Variants in STAMBP observed in about 807,000 individuals in gnomAD.
The protein encoded by STAMBP is STAM binding protein.
STAMBP carries 31 observed loss-of-function variants against 50.7 expected under a neutral mutation model. The ratio of observed to expected loss-of-function variants is 0.61; its 90% CI spans 0.46 to 0.83. The LOEUF is 0.83. Ranked by LOEUF, STAMBP falls within the 40% of genes least tolerant of loss-of-function variation. The pLI is 0.00. For synonymous variants in STAMBP, 211 were observed against 192.4 expected (o/e 1.10, Z -0.80); for missense variants, 472 against 518.9 (o/e 0.91, Z 0.88).
intron 5 of STAMBP, among the ~76,000 whole-genome samples, chr2:73,848,899 A>T (rs1676457528): frequency 2.6e-5 from 4 of 151,798 alleles, no homozygotes; most frequent in Admixed American, 2.0e-4. Flanking sequence ...TTTTACTTTT[A>T]TTTTTTAAGT....
intron 9 of STAMBP, among the ~76,000 whole-genome samples, chr2:73,861,154 T>C (rs2104699307): frequency 6.6e-6 from 1 of 152,354 alleles, no homozygotes; most frequent in Admixed American, 6.5e-5. Context: ...AGGCCCCTGT[T>C]GCATGCCAAA....
Position 73,831,000 on chromosome 2 carries a change from C to T in STAMBP, c.144C>T (p.Ser48=), listed in dbSNP as rs1219099827. The T allele has an allele frequency of 6.2e-7, 1 of 1,614,198 alleles. No individual in the cohort carries two copies. Among genetic ancestry groups the T allele is most frequent in the East Asian group, 2.2e-5 (1 of 44,890 alleles). ...RSGVEIIRMA[S]IYSEEGNIEH... ...GAGTTGAGATTATCCGAATGGCATCCATTTACTCTGAGGAAGGCAACATTG... is the reference window on the plus strand; with the variant it reads ...GAGTTGAGATTATCCGAATGGCATCTATTTACTCTGAGGAAGGCAACATTG... Residue 48 remains serine, a synonymous_variant, in exon 2 of 10, where the codon TCC becomes TCT. Coordinates refer to ENST00000394070, the MANE Select transcript of STAMBP (RefSeq NM_213622.4).
In STAMBP at chr2:73,861,471, C is replaced by A. The variant is rs116318247; in HGVS notation, c.1219-732C>A. Among the ~76,000 whole-genome samples, 780 of 152,116 alleles carry A rather than the reference C, an allele frequency of 5.1e-3. 6 individuals carry two copies. Among genetic ancestry groups the A allele is most frequent in the African/African-American group, 0.018 (740 of 41,494 alleles). On this transcript the variant is annotated intron_variant, in intron 9 of 9. Coordinates refer to ENST00000394070, the MANE Select transcript of STAMBP (RefSeq NM_213622.4). ...GCAGTCTGGCTTCCAGACTGAGAAC[C>A]ACTAGCCTAGAATGAACATTTTAAA...
rs762078854 is a variant in STAMBP, at chr2:73,862,208, C to T, written c.1224C>T (p.Cys408=). The change falls in exon 10 of 10, where the codon TGC becomes TGT. Residue 408 remains cysteine, a synonymous_variant. Coordinates refer to ENST00000394070, the MANE Select transcript of STAMBP (RefSeq NM_213622.4). ...HSKDPPLFCS[C]SHVTVVDRAV... ...TTTCTTTTTTCCTATTGCAGAGCTG[C>T]AGCCACGTGACTGTTGTGGACAGAG... 1.1e-5 allele frequency: 18 copies of T among 1,604,702 alleles called. No individual in the cohort carries two copies. In the Admixed American group the frequency reaches 2.3e-4, roughly 20 times the overall value.
Position 73,860,127 on chromosome 2 carries a change from C to T in STAMBP, c.1194C>T (p.His398=), listed in dbSNP as rs186347948. ...GTCGCCAGAAAGGATTTCATCCACA[C>T]AGCAAGGATCCACCTCTGTTCTGTG... ...SSCRQKGFHP[H]SKDPPLFCSC... is the part of the protein sequence containing the mutation. Residue 398 remains histidine (H), a synonymous_variant, in exon 9 of 10, where the codon CAC becomes CAT. Coordinates refer to ENST00000394070, the MANE Select transcript of STAMBP (RefSeq NM_213622.4). 2.5e-6 allele frequency: 4 copies of T among 1,613,862 alleles called. No homozygotes were observed. The South Asian group carries it at 3.3e-5, about 13-fold the overall frequency.
At chr2:73,840,773 AAAAT>A (rs1675295635) in intron 2 of STAMBP, among the ~76,000 whole-genome samples, 1 of 152,054 alleles carries the variant, frequency 6.6e-6, no homozygotes, top group Non-Finnish European at 1.5e-5. Flanking sequence ...AATCAAAAAA[AAAAT>A]AAATAGTACA....
At chr2:73,868,339 G>A (rs1380049098), downstream of STAMBP, among the ~76,000 whole-genome samples, 5 of 152,034 alleles carry the variant, frequency 3.3e-5, no homozygotes, top group Non-Finnish European at 7.3e-5. Context: ...TGTAGGACTT[G>A]CCCATGATTC....
chr2:73,834,184 C>T (rs1674295511), intron 2 of STAMBP, among the ~76,000 whole-genome samples: 1 of 122,296 alleles, frequency 8.2e-6, no homozygotes, highest in Non-Finnish European at 1.6e-5. Flanking sequence ...GCACTCCAGC[C>T]TGGGGACAGA....
rs368924651 is a variant in STAMBP at position 73,834,631 on chromosome 2, C to T, written c.203+3572C>T. 2.4e-4 allele frequency among the ~76,000 whole-genome samples: 36 copies of T among 151,932 alleles called. No homozygotes were observed. In the East Asian group the frequency reaches 5.6e-3, roughly 24 times the overall value. ...TAAATGGACCCACACCATTGAAACC[C>T]ATGTTGTCCAAAAGTCAGCTGTAGT... On this transcript the variant is annotated intron_variant, in intron 2 of 9. Coordinates refer to ENST00000394070, the MANE Select transcript of STAMBP (RefSeq NM_213622.4).
downstream of STAMBP, among the ~76,000 whole-genome samples, chr2:73,868,659 G>A (rs1027270394): frequency 6.6e-6 from 1 of 152,070 alleles, no homozygotes; most frequent in Non-Finnish European, 1.5e-5. Flanking sequence ...TGAGGTGGGC[G>A]GATCACTTAA....
intron 10 of STAMBP, among the ~76,000 whole-genome samples, chr2:73,872,649 C>T (rs1480544908): frequency 2.0e-5 from 3 of 152,184 alleles, no homozygotes; most frequent in Non-Finnish European, 1.5e-5. Flanking sequence ...GTTGAGGGAA[C>T]CCAAGTGAGG....
At chr2:73,858,890 C>T (rs1677927887) in intron 7 of STAMBP, among the ~76,000 whole-genome samples, 1 of 151,276 alleles carries the variant, frequency 6.6e-6, no homozygotes, top group Non-Finnish European at 1.5e-5. Context: ...GAGTAGTCCC[C>T]CCCTTATCCT....
chr2:73,837,790 A>G (rs1330178420), intron 2 of STAMBP, among the ~76,000 whole-genome samples: 1 of 152,142 alleles, frequency 6.6e-6, no homozygotes, highest in Non-Finnish European at 1.5e-5. Context: ...AACATAAAAG[A>G]TCAAGTATCT....
chr2:73,859,725 T>A (rs921177271), intron 8 of STAMBP, among the ~76,000 whole-genome samples: 2 of 149,874 alleles, frequency 1.3e-5, no homozygotes, highest in African/African-American at 4.9e-5. Flanking sequence ...AATAAAAAAA[T>A]AAAAATAAAA....
downstream of STAMBP, among the ~76,000 whole-genome samples, chr2:73,868,890 AAAAG>A (rs565085153): frequency 1.8e-3 from 273 of 152,292 alleles, 2 homozygotes; most frequent in African/African-American, 6.1e-3. Flanking sequence ...AAAAGAAAAA[AAAAG>A]AAAGCAAGAA....
downstream of STAMBP, among the ~76,000 whole-genome samples, chr2:73,868,822 C>G (rs1450169941): frequency 6.6e-6 from 1 of 151,912 alleles, no homozygotes; most frequent in South Asian, 2.1e-4. Context: ...CTATAGTGAG[C>G]TGTGATAGCG....
downstream of STAMBP, among the ~76,000 whole-genome samples, chr2:73,869,549 A>G (rs749795537): frequency 1.3e-5 from 2 of 152,180 alleles, no homozygotes; most frequent in Non-Finnish European, 2.9e-5. Flanking sequence ...ATGTGAAATA[A>G]CATTTAAAAA....
intron 7 of STAMBP, among the ~76,000 whole-genome samples, chr2:73,857,252 G>A (rs910604868): frequency 3.9e-5 from 6 of 152,008 alleles, no homozygotes; most frequent in East Asian, 1.9e-4. Flanking sequence ...ATGCCTTCTC[G>A]CATCAAGGCT....
downstream of STAMBP, among the ~76,000 whole-genome samples, chr2:73,867,754 T>C (rs1346964075): frequency 6.6e-6 from 1 of 152,154 alleles, no homozygotes; most frequent in African/African-American, 2.4e-5. Context: ...TCAAAAGATA[T>C]GAATTAAGCA....
Sources: gnomAD v4.1 joint callset for allele counts (sites outside exome capture counted in the v4.1 genomes callset) on GRCh38, gnomAD v4.1.1 for gene constraint, MANE v1.5 for transcripts, NCBI Gene and HGNC (gene_info 2026-07-23, HGNC 2026-07-21) for gene names.